Variants in RAPGEF1 observed in about 807,000 individuals in gnomAD.
The protein encoded by RAPGEF1 is CRK SH3-binding GNRP.
Under a neutral mutation model 143.3 loss-of-function variants are expected in RAPGEF1, and 33 were observed. The ratio of observed to expected loss-of-function variants is 0.23; its 90% CI spans 0.17 to 0.31. The LOEUF (loss-of-function observed/expected upper bound fraction) is 0.31. RAPGEF1 is among the 10% of genes least tolerant of loss of function. The pLI, the probability that RAPGEF1 is intolerant of heterozygous loss-of-function variation, is 1.00. For missense variants in RAPGEF1, 1,199 were observed against 1,645.4 expected (o/e 0.73, Z 4.69); for synonymous variants, 629 against 676.5 (o/e 0.93, Z 1.09).
chr9:131,671,865 C>G (rs976396556), intron 1 of RAPGEF1, among the ~76,000 whole-genome samples: 15 of 152,320 alleles, frequency 9.8e-5, no homozygotes, highest in South Asian at 2.1e-4. Flanking sequence ...ACCCATTTAG[C>G]ACTTCCCAAA....
chr9:131,639,004 A>T (rs1966961958), intron 4 of RAPGEF1, among the ~76,000 whole-genome samples: 1 of 152,048 alleles, frequency 6.6e-6, no homozygotes, highest in Admixed American at 6.6e-5. Flanking sequence ...GTGTTTCAAA[A>T]TTTTTTTCAT....
In RAPGEF1 at chr9:131,621,321, C is replaced by T. The variant is rs1272892791; in HGVS notation, c.1905+475G>A. Among the ~76,000 whole-genome samples, 1 of 152,206 alleles carries T rather than the reference C, an allele frequency of 6.6e-6. No individual in the cohort carries two copies. Among genetic ancestry groups the T allele is most frequent in the Non-Finnish European group, 1.5e-5 (1 of 68,024 alleles). On this transcript the variant is annotated intron_variant, in intron 11 of 26. Transcript: ENST00000683357. This position sits in a 1 kb window ranked among gnomAD's most constrained non-coding sequence, Gnocchi z 4.5. ...CTCCACTTCAATGGCACTTGTTTTC[C>T]TTGGGCCCTCCCCGGCCAAGGCTGG...
At position 131,621,109 on chromosome 9, in the gene RAPGEF1, C is replaced by T. The variant is rs1038629102; in HGVS notation, c.1905+687G>A. Among the ~76,000 whole-genome samples, 16 of 152,230 alleles carry T rather than the reference C, an allele frequency of 1.1e-4. No individual in the cohort carries two copies. The highest frequency in any genetic ancestry group is 3.6e-4 in the African/African-American group (15 of 41,460). ...AAAGTTTGGAGGGATGCCACAGGTACCCCCGATCTGCTCACCCTCCCAGTG... is the reference window on the plus strand; with the variant it reads ...AAAGTTTGGAGGGATGCCACAGGTATCCCCGATCTGCTCACCCTCCCAGTG... On this transcript the variant is annotated intron_variant, in intron 11 of 26. Transcript: ENST00000683357. The surrounding 1 kb of genome is among the most constrained non-coding windows in gnomAD (Gnocchi z 4.5).
chr9:131,599,420 CTTTT>C (rs71374115), intron 15 of RAPGEF1, among the ~76,000 whole-genome samples: 10 of 131,440 alleles, frequency 7.6e-5, no homozygotes, highest in Admixed American at 2.3e-4. Flanking sequence ...CGTGCCCAGT[CTTTT>C]TTTTTTTTTT....
In RAPGEF1 at chr9:131,629,171, G is replaced by T. The variant is rs550406702; in HGVS notation, c.824C>A (p.Pro275Gln). The stretch of plus-strand genomic sequence containing the variant: ...CGCGACCTCTTCATCCGTGGCATCT[G>T]GGAGGAGCTCAGTTGACTGTGACAT... ...TGMSQSTELL[P>Q]DATDEEVAPP... Residue 275 changes from proline to glutamine, a missense_variant, in exon 7 of 27, where the codon CCA becomes CAA. Physicochemically the swap from Pro to Gln is moderately conservative, Grantham distance 76 (BLOSUM62 -1). Around this residue, in one of 6 missense-constraint regions of RAPGEF1, gnomAD observed 613 missense variants for 710.9 expected, o/e 0.86. Coordinates refer to ENST00000683357, the MANE Select transcript of RAPGEF1 (RefSeq NM_001377935.1). 6.2e-7 allele frequency: 1 copy of T among 1,614,038 alleles called. No individual in the cohort carries two copies. The highest frequency in any genetic ancestry group is 1.3e-5 in the African/African-American group (1 of 75,056).
chr9:131,588,785 G>A lies in RAPGEF1; in HGVS notation c.3053+16C>T, dbSNP rs547729773. On this transcript the variant is annotated intron_variant, in intron 20 of 26. Transcript: ENST00000683357. ...CTCCTGGGGAAGAGGCAGGGCTGGA[G>A]AGGTGGGCTTCTCACCTGGCTGCTA... 3.3e-5 allele frequency: 53 copies of A among 1,604,284 alleles called. 1 individual carries two copies. Among genetic ancestry groups the A allele is most frequent in the Admixed American group, 6.8e-5 (4 of 58,738 alleles).
Position 131,621,793 on chromosome 9 carries a change from C to T in RAPGEF1, c.1905+3G>A, listed in dbSNP as rs760339500. 1.3e-6 allele frequency: 2 copies of T among 1,599,334 alleles called. No homozygotes were observed. The highest frequency in any genetic ancestry group is 1.7e-5 in the Admixed American group (1 of 57,476). ...TCTAGTCACAAGGGAAGGTGTCACT[C>T]ACCAGCTGCCGCTGCTTGGGGGGTA... On this transcript the variant is annotated splice_donor_region_variant and intron_variant, in intron 11 of 26. Coordinates refer to ENST00000683357, the MANE Select transcript of RAPGEF1 (RefSeq NM_001377935.1). The surrounding 1 kb of genome is among the most constrained non-coding windows in gnomAD (Gnocchi z 4.5).
At chr9:131,663,064 C>CAACCGTT (rs1829834498) in intron 1 of RAPGEF1, among the ~76,000 whole-genome samples, 1 of 151,688 alleles carries the variant, frequency 6.6e-6, no homozygotes, top group Non-Finnish European at 1.5e-5. Context: ...CTAGATTCGT[C>CAACCGTT]AACCGTTAAC....
intron 1 of RAPGEF1, among the ~76,000 whole-genome samples, chr9:131,718,667 C>T (rs1836040645): frequency 6.6e-6 from 1 of 152,186 alleles, no homozygotes; most frequent in African/African-American, 2.4e-5. Context: ...CCTGAACAAT[C>T]GGATCAAAAA....
intron 1 of RAPGEF1, among the ~76,000 whole-genome samples, chr9:131,697,302 T>A (rs1834262981): frequency 6.6e-6 from 1 of 152,192 alleles, no homozygotes; most frequent in Admixed American, 6.5e-5. Flanking sequence ...AGACTTGAAA[T>A]GGGTGATTGA....
chr9:131,621,165 C>T lies in RAPGEF1; in HGVS notation c.1905+631G>A, dbSNP rs762110684. ...GCAGTTCCAGAGCCTCATGGGGTGC[C>T]CACGGTGGAACAGCTTGCCTTCTGT... On this transcript the variant is annotated intron_variant, in intron 11 of 26. Coordinates refer to ENST00000683357, the MANE Select transcript of RAPGEF1 (RefSeq NM_001377935.1). The surrounding 1 kb of genome is among the most constrained non-coding windows in gnomAD (Gnocchi z 4.5). 7.2e-5 allele frequency among the ~76,000 whole-genome samples: 11 copies of T among 152,264 alleles called. No homozygotes were observed. Among genetic ancestry groups the T allele is most frequent in the Admixed American group, 2.0e-4 (3 of 15,294 alleles).
intron 1 of RAPGEF1, among the ~76,000 whole-genome samples, chr9:131,677,194 G>A (rs374637943): frequency 8.5e-5 from 13 of 152,226 alleles, no homozygotes; most frequent in South Asian, 4.1e-4. Flanking sequence ...AAACGTGCAC[G>A]CAGCTTGTTG....
intron 5 of RAPGEF1, 100 bp from the exon 6 acceptor site, chr9:131,630,424 A>C: frequency 4.5e-5 from 52 of 1,151,716 alleles, no homozygotes; most frequent in Middle Eastern, 2.0e-4. Context: ...GCTGAGTCTC[A>C]TTTCTGTGCC....
chr9:131,604,098 C>G, intron 13 of RAPGEF1, 45 bp from the exon 14 acceptor site: 2 of 1,212,950 alleles, frequency 1.6e-6, no homozygotes, highest in Non-Finnish European at 2.2e-6. Context: ...GCCAGGCCCT[C>G]CAGCCGGCCC....
At position 131,629,506 on chromosome 9, in the gene RAPGEF1, C is replaced by T. The variant is rs1214691460; in HGVS notation, c.741-252G>A. 2.0e-5 allele frequency among the ~76,000 whole-genome samples: 3 copies of T among 152,168 alleles called. No individual in the cohort carries two copies. In the South Asian group the frequency reaches 6.2e-4, roughly 32 times the overall value. On this transcript the variant is annotated intron_variant, in intron 6 of 26. Coordinates refer to ENST00000683357, the MANE Select transcript of RAPGEF1 (RefSeq NM_001377935.1). ...TGATCTAAGGGTTCTCTAAAATGCT[C>T]CAGGCCGGGCGCAGTGGCTCACACC...
chr9:131,736,240 A>G (rs928013), intron 1 of RAPGEF1, among the ~76,000 whole-genome samples: 136,667 of 152,168 alleles, frequency 0.9, 61,539 homozygotes, highest in African/African-American at 0.95. Context: ...TAATCTGTCC[A>G]GCTCTCTTCT....
chr9:131,698,327 C>T (rs56363350), intron 1 of RAPGEF1, among the ~76,000 whole-genome samples: 38,022 of 152,084 alleles, frequency 0.25, 5,198 homozygotes, highest in Non-Finnish European at 0.31. Flanking sequence ...GGGGCTTTGA[C>T]GTCAGAGACC....
At chr9:131,671,703 T>C (rs1162334780) in intron 1 of RAPGEF1, among the ~76,000 whole-genome samples, 1 of 152,138 alleles carries the variant, frequency 6.6e-6, no homozygotes, top group Non-Finnish European at 1.5e-5. Context: ...GAACCGAGAC[T>C]GGCAGACGGT....
intron 9 of RAPGEF1, among the ~76,000 whole-genome samples, chr9:131,627,267 T>C (rs1963482431): frequency 6.8e-6 from 1 of 146,334 alleles, no homozygotes; most frequent in African/African-American, 2.6e-5. Flanking sequence ...ACTATGTAAA[T>C]GGTCCTGTAC....
Sources: allele counts gnomAD v4.1 joint callset (sites outside exome capture counted in the v4.1 genomes callset), GRCh38; gene constraint gnomAD v4.1.1; regional missense constraint gnomAD v4.1.1; non-coding constraint Gnocchi (gnomAD v3.1); transcripts MANE v1.5; gene names NCBI Gene and HGNC (gene_info 2026-07-23, HGNC 2026-07-21).